HSD17B2: variants seen among roughly 807,000 people sequenced by gnomAD.
HSD17B2 encodes 17-beta-hydroxysteroid dehydrogenase type 2.
Under a neutral mutation model 26.9 loss-of-function variants are expected in HSD17B2, and 32 were observed. That is an observed-to-expected ratio of 1.19 (90% CI 0.90 to 1.60). The LOEUF is 1.60. HSD17B2 is among the 40% of genes most tolerant of loss of function. HSD17B2 has a pLI of 0.00. For missense variants in HSD17B2, 613 were observed against 468.6 expected (o/e 1.31, Z -2.85); for synonymous variants, 246 against 186.7 (o/e 1.32, Z -2.59).
intron 1 of HSD17B2, among the ~76,000 whole-genome samples, chr16:82,065,234 G>A (rs1876666139): frequency 6.6e-6 from 1 of 152,174 alleles, no homozygotes; most frequent in Non-Finnish European, 1.5e-5. Flanking sequence ...CTTCAGGTTT[G>A]GATACAGGTG....
At chr16:82,035,718 G>A (rs1237510107) in intron 1 of HSD17B2, 29 bp downstream of exon 1, 1 of 1,606,096 alleles carries the variant, frequency 6.2e-7, no homozygotes, top group Admixed American at 1.7e-5. Flanking sequence ...AATTTTCACT[G>A]AGGGTATGAT....
chr16:82,071,372 T>C (rs1235159212), intron 3 of HSD17B2: 2 of 550,340 alleles, frequency 3.6e-6, no homozygotes, highest in African/African-American at 1.9e-5. Flanking sequence ...AGGGTTCTTA[T>C]ATGTCTTTAT....
intron 3 of HSD17B2, among the ~76,000 whole-genome samples, chr16:82,089,852 T>G (rs1465333985): frequency 6.6e-6 from 1 of 152,174 alleles, no homozygotes; most frequent in Non-Finnish European, 1.5e-5. Flanking sequence ...TAATCCAGGA[T>G]GGCCTTTCCT....
intron 1 of HSD17B2, among the ~76,000 whole-genome samples, chr16:82,065,516 G>T (rs1418308239): frequency 1.3e-5 from 2 of 152,270 alleles, no homozygotes. Flanking sequence ...CCAATAATAA[G>T]GCAGAAGCAT....
At position 82,074,988 on chromosome 16, in the gene HSD17B2, A is replaced by G. The variant is rs573754246; in HGVS notation, c.664+3861A>G. On this transcript the variant is annotated intron_variant, in intron 3 of 4. Coordinates refer to ENST00000199936, the MANE Select transcript of HSD17B2 (RefSeq NM_002153.3). ...CTTAAAACATTTTAAAAAATGAAAT[A>G]ATATCAAGTATCTTCTCTGACCACA... Among the ~76,000 whole-genome samples the G allele has an allele frequency of 2.0e-5, 3 of 152,344 alleles. No homozygotes were observed. The South Asian group carries it at 6.2e-4, about 32-fold the overall frequency.
In HSD17B2 at chr16:82,091,109, C is replaced by A. The variant is rs192084873; in HGVS notation, c.802+70C>A. 566 of 1,436,420 alleles carry A rather than the reference C, an allele frequency of 3.9e-4. 3 individuals carry two copies. The South Asian group carries it at 5.1e-3, about 13-fold the overall frequency. 89.0% of individuals were successfully genotyped at this position (1,436,420 alleles called of 1,614,324 possible). ...AACCCCGAAGGTCCTCTTGGTCTGA[C>A]AGAGCACACATTGAACCCCTCATTG... On this transcript the variant is annotated intron_variant, in intron 4 of 4. Transcript: ENST00000199936.
Position 82,070,926 on chromosome 16 carries a change from G to T in HSD17B2, c.479-16G>T, listed in dbSNP as rs780901902. 1 of 1,606,312 alleles carries T rather than the reference G, an allele frequency of 6.2e-7. No homozygotes were observed. The highest frequency in any genetic ancestry group is 8.5e-7 in the Non-Finnish European group (1 of 1,174,914). Reference sequence around the variant, plus strand: ...CCTCTTCCAGACACTCACTCATTATGGTTTTCTGTCTCCAGGACTGTGGGC... The same window carrying T: ...CCTCTTCCAGACACTCACTCATTATTGTTTTCTGTCTCCAGGACTGTGGGC... On this transcript the variant is annotated splice_polypyrimidine_tract_variant and intron_variant, in intron 2 of 4. Transcript: ENST00000199936.
intron 1 of HSD17B2, among the ~76,000 whole-genome samples, chr16:82,040,550 A>G (rs1044571239): frequency 2.0e-5 from 3 of 152,242 alleles, no homozygotes; most frequent in Non-Finnish European, 4.4e-5. Flanking sequence ...TTAGATCCAT[A>G]GTTGGTATTA....
intron 1 of HSD17B2, among the ~76,000 whole-genome samples, chr16:82,059,769 G>A (rs1057458886): frequency 5.3e-5 from 8 of 152,092 alleles, no homozygotes; most frequent in Admixed American, 3.3e-4. Context: ...TGGGTTTCAC[G>A]GCTGACTCTA....
At chr16:82,072,030 G>C (rs1265271320) in intron 3 of HSD17B2, 1 of 152,216 alleles carries the variant, frequency 6.6e-6, no homozygotes, top group Admixed American at 6.5e-5. Context: ...TTTTGGTAAT[G>C]TGAATATCAG....
At chr16:82,045,198 C>T (rs1456415414) in intron 1 of HSD17B2, among the ~76,000 whole-genome samples, 1 of 148,528 alleles carries the variant, frequency 6.7e-6, no homozygotes, top group East Asian at 2.0e-4. Context: ...TGTGTCTAAA[C>T]TGCAAACTGC....
chr16:82,036,841 C>A (rs1913639133), intron 1 of HSD17B2, among the ~76,000 whole-genome samples: 1 of 152,020 alleles, frequency 6.6e-6, no homozygotes. Context: ...CTGGATTTTC[C>A]ACTTTTTTAT....
At chr16:82,091,967 A>G (rs1028722436) in intron 4 of HSD17B2, 2 of 152,108 alleles carry the variant, frequency 1.3e-5, no homozygotes, top group Admixed American at 6.5e-5. Context: ...CCCTCCCTCA[A>G]TGGTAGAGTT....
intron 4 of HSD17B2, chr16:82,096,234 T>C (rs1267473051): frequency 1.3e-5 from 2 of 152,176 alleles, no homozygotes; most frequent in Non-Finnish European, 2.9e-5. Context: ...TATTTATTTA[T>C]TTATTGAGAT....
At chr16:82,042,872 C>G (rs564427815) in intron 1 of HSD17B2, among the ~76,000 whole-genome samples, 1 of 152,160 alleles carries the variant, frequency 6.6e-6, no homozygotes, top group African/African-American at 2.4e-5. Context: ...CCACCTGCCT[C>G]GGCCTCCCAA....
chr16:82,091,125 C>A lies in HSD17B2; in HGVS notation c.802+86C>A, dbSNP rs537048168. The A allele has an allele frequency of 6.5e-4, 840 of 1,295,842 alleles. 8 individuals carry two copies. In the South Asian group the frequency reaches 9.6e-3, roughly 15 times the overall value. 80.3% of individuals were successfully genotyped at this position (1,295,842 alleles called of 1,614,324 possible). A position where few individuals can be genotyped will look rare whatever the true frequency, so the allele number is the denominator to read the frequency against. ...TTGGTCTGACAGAGCACACATTGAA[C>A]CCCTCATTGTTGTCAAAGATGAGCA... On this transcript the variant is annotated intron_variant, in intron 4 of 4. Coordinates refer to ENST00000199936, the MANE Select transcript of HSD17B2 (RefSeq NM_002153.3).
At chr16:82,041,489 T>C (rs1394894623) in intron 1 of HSD17B2, among the ~76,000 whole-genome samples, 1 of 152,242 alleles carries the variant, frequency 6.6e-6, no homozygotes, top group Non-Finnish European at 1.5e-5. Context: ...GGCTTTATGC[T>C]GATTTGGTTC....
At chr16:82,067,614 A>G (rs1009377010) in intron 1 of HSD17B2, among the ~76,000 whole-genome samples, 1 of 152,240 alleles carries the variant, frequency 6.6e-6, no homozygotes, top group African/African-American at 2.4e-5. Context: ...CTCAGGGCAG[A>G]CCATGGATAG....
chr16:82,094,879 A>C (rs1263206654), intron 4 of HSD17B2: 1 of 152,254 alleles, frequency 6.6e-6, no homozygotes, highest in Non-Finnish European at 1.5e-5. Flanking sequence ...TCTTGCAGTG[A>C]GAAAATGGAG....
Sources: gnomAD v4.1 joint callset for allele counts (sites outside exome capture counted in the v4.1 genomes callset) on GRCh38, gnomAD v4.1.1 for gene constraint, MANE v1.5 for transcripts, NCBI Gene and HGNC (gene_info 2026-07-23, HGNC 2026-07-21) for gene names.